The following CELSR3 variants were observed in gnomAD, a reference collection of about 807,000 sequenced individuals.
CELSR3 encodes the protein cadherin EGF LAG seven-pass G-type receptor 3, also known as EGF-like protein 1.
CELSR3 carries 73 observed loss-of-function variants against 270.0 expected under a neutral mutation model. The observed-to-expected ratio is 0.27, with a 90% confidence interval of 0.22 to 0.33. The LOEUF (loss-of-function observed/expected upper bound fraction) is 0.33. Ranked by LOEUF, CELSR3 falls within the 10% of genes least tolerant of loss-of-function variation. The pLI is 1.00. For missense variants in CELSR3, 3,614 were observed against 4,533.8 expected (o/e 0.80, Z 5.83); for synonymous variants, 1,780 against 1,905.4 (o/e 0.93, Z 1.71).
Position 48,637,887 on chromosome 3 carries a change from C to T in CELSR3, c.*318G>A, listed in dbSNP as rs542498811. 2.6e-6 allele frequency: 1 copy of T among 379,360 alleles called. No homozygotes were observed. Among genetic ancestry groups the T allele is most frequent in the Non-Finnish European group, 4.9e-6 (1 of 202,850 alleles). The allele number at this position is 379,360 out of a possible 1,614,324, so 23.5% of individuals were successfully genotyped here. Reference sequence around the variant, plus strand: ...AAATGGGGTCAAACTGCATCTCTCCCTCTATCTCCCTCCCCCTCCCAGCCC... The same window carrying T: ...AAATGGGGTCAAACTGCATCTCTCCTTCTATCTCCCTCCCCCTCCCAGCCC... On this transcript the variant is annotated 3_prime_UTR_variant, in exon 35 of 35. Coordinates refer to ENST00000164024, the MANE Select transcript of CELSR3 (RefSeq NM_001407.3).
chr3:48,643,288 T>G, intron 28 of CELSR3: 1 of 625,802 alleles, frequency 1.6e-6, no homozygotes, highest in Non-Finnish European at 2.8e-6. Flanking sequence ...AAGGTCGGTG[T>G]GGATCAGCAA....
In CELSR3 at chr3:48,639,622, G is replaced by A. The variant is rs528420923; in HGVS notation, c.9911+52C>T. The A allele has an allele frequency of 4.4e-6, 7 of 1,590,844 alleles. No homozygotes were observed. The highest frequency in any genetic ancestry group is 4.0e-5 in the African/African-American group (3 of 74,796). The stretch of plus-strand genomic sequence containing the variant: ...GCAGAACACAGGGCAGGGCACACAG[G>A]AGGTTGCCCTAAGCTGATGAGGGTG... On this transcript the variant is annotated intron_variant, in intron 34 of 34. Transcript: ENST00000164024. The surrounding 1 kb of genome is among the most constrained non-coding windows in gnomAD (Gnocchi z 4.1).
rs752851325 is a variant in CELSR3, at chr3:48,641,417, T to C, written c.8932A>G (p.Thr2978Ala). The C allele has an allele frequency of 3.7e-6, 6 of 1,612,440 alleles. No individual in the cohort carries two copies. In the South Asian group the frequency reaches 5.5e-5, roughly 15 times the overall value. ...TTGTTGTTAGCTGCATCCTTGCTGG[T>C]GTCCAGCCCCAGGCGCCTTTCAGAG... is the stretch of plus-strand genomic sequence containing the variant. ...WGSERRLGLD[T>A]SKDAANNNQP... Residue 2978 changes from threonine to alanine, a missense_variant, in exon 33 of 35, where the codon ACC (threonine) becomes GCC (alanine). By Grantham distance (58) the Thr-to-Ala change is moderately conservative. Around this residue, in one of 7 missense-constraint regions of CELSR3, gnomAD observed 1,240 missense variants for 1,351.7 expected, o/e 0.92. Coordinates refer to ENST00000164024, the MANE Select transcript of CELSR3 (RefSeq NM_001407.3). This position sits in a 1 kb window ranked among gnomAD's most constrained non-coding sequence, Gnocchi z 4.8.
chr3:48,645,320 C>T lies in CELSR3; in HGVS notation c.7798-111G>A. The T allele has an allele frequency of 6.5e-7, 1 of 1,545,120 alleles. No homozygotes were observed. The highest frequency in any genetic ancestry group is 8.8e-7 in the Non-Finnish European group (1 of 1,132,266). ...CCTAAACCACAATATCTTACCCCAG[C>T]ATCCTGCTGAAAACCCTGGCCCCAA... On this transcript the variant is annotated intron_variant, in intron 24 of 34. Transcript: ENST00000164024. This position sits in a 1 kb window ranked among gnomAD's most constrained non-coding sequence, Gnocchi z 5.4.
rs1322264947 is a variant in CELSR3 at position 48,638,104 on chromosome 3, G to T, written c.*101C>A. The T allele has an allele frequency of 8.9e-6, 9 of 1,015,552 alleles. No homozygotes were observed. The African/African-American group carries it at 1.1e-4, about 12-fold the overall frequency. 62.9% of individuals were successfully genotyped at this position (1,015,552 alleles called of 1,614,324 possible). A position where few individuals can be genotyped will look rare whatever the true frequency, so the allele number is the denominator to read the frequency against. ...GAGCTGGGGCACCCACCACTGGGGAGCAGGAGGCTGCCTTGGGATCTGCCC... is the reference window on the plus strand; with the variant it reads ...GAGCTGGGGCACCCACCACTGGGGATCAGGAGGCTGCCTTGGGATCTGCCC... On this transcript the variant is annotated 3_prime_UTR_variant, in exon 35 of 35. Transcript: ENST00000164024.
At position 48,642,918 on chromosome 3, in the gene CELSR3, C is replaced by G; in HGVS notation, c.8407-34G>C. Reference sequence around the variant, plus strand: ...GGTAGGGACAGAGTGTGAGCTAACCCTGAAGCAGCCTAAAACTCTGGCTTC... The same window carrying G: ...GGTAGGGACAGAGTGTGAGCTAACCGTGAAGCAGCCTAAAACTCTGGCTTC... On this transcript the variant is annotated intron_variant, in intron 29 of 34. Transcript: ENST00000164024. This position sits in a 1 kb window ranked among gnomAD's most constrained non-coding sequence, Gnocchi z 6.1. 6.2e-7 allele frequency: 1 copy of G among 1,611,340 alleles called. No individual in the cohort carries two copies. The highest frequency in any genetic ancestry group is 8.5e-7 in the Non-Finnish European group (1 of 1,178,754).
rs773631624 is a variant in CELSR3, at chr3:48,645,586, C to A, written c.7654G>T (p.Ala2552Ser). ...FTHVVVAVSVAALVLTAAILL... is the reference protein window; with the variant it reads ...FTHVVVAVSVSALVLTAAILL... ...ATGGCTGCAGTCAGCACCAGCGCAG[C>A]CACAGACACAGCCACGACCACGTGG... is the stretch of plus-strand genomic sequence containing the variant. Residue 2552 changes from alanine to serine, a missense_variant, in exon 24 of 35, where the codon GCT (alanine) becomes TCT (serine). By Grantham distance (99) the Ala-to-Ser change is moderately conservative (BLOSUM62 1). Transcript: ENST00000164024. The surrounding 1 kb of genome is among the most constrained non-coding windows in gnomAD (Gnocchi z 5.4). 12 of 1,612,436 alleles carry A rather than the reference C, an allele frequency of 7.4e-6. No homozygotes were observed. The highest frequency in any genetic ancestry group is 9.3e-6 in the Non-Finnish European group (11 of 1,179,910).
chr3:48,649,027 G>A, intron 17 of CELSR3, 94 bp downstream of exon 17: 8 of 1,543,424 alleles, frequency 5.2e-6, no homozygotes, highest in Non-Finnish European at 7.1e-6. Flanking sequence ...AACCAGGAAA[G>A]GCTCAGGAGT....
In CELSR3 at chr3:48,646,425, G is replaced by A. The variant is rs944588301; in HGVS notation, c.7296-168C>T. ...TCCAGCTTCTGCTGGGCTGCTGAGGGGCTGAGCAGCTCCAGGGGACCTGCA... is the reference window on the plus strand; with the variant it reads ...TCCAGCTTCTGCTGGGCTGCTGAGGAGCTGAGCAGCTCCAGGGGACCTGCA... On this transcript the variant is annotated intron_variant, in intron 21 of 34. Coordinates refer to ENST00000164024, the MANE Select transcript of CELSR3 (RefSeq NM_001407.3). This position sits in a 1 kb window ranked among gnomAD's most constrained non-coding sequence, Gnocchi z 4.8. Among the ~76,000 whole-genome samples, 1 of 152,200 alleles carries A rather than the reference G, an allele frequency of 6.6e-6. No homozygotes were observed. The highest frequency in any genetic ancestry group is 1.5e-5 in the Non-Finnish European group (1 of 68,024).
Position 48,646,202 on chromosome 3 carries a change from C to T in CELSR3, c.7351G>A (p.Gly2451Arg), listed in dbSNP as rs118038433. 6.0e-4 allele frequency: 963 copies of T among 1,612,760 alleles called. 14 individuals are homozygous for T. In the East Asian group the frequency reaches 0.016, roughly 27 times the overall value. Residue 2451 changes from glycine to arginine, a missense_variant, in exon 22 of 35, where the codon GGA becomes AGA. By Grantham distance (125) the Gly-to-Arg change is moderately radical. Coordinates refer to ENST00000164024, the MANE Select transcript of CELSR3 (RefSeq NM_001407.3). This position sits in a 1 kb window ranked among gnomAD's most constrained non-coding sequence, Gnocchi z 4.8. ...SPVVSVAVFH[G>R]RNFLRGILES... is the part of the protein sequence containing the mutation. ...AGGATTCCCCTTAGGAAGTTGCGTC[C>T]GTGGAACACAGCCACGCTGACCACC... is the stretch of plus-strand genomic sequence containing the variant.
rs529554640 is a variant in CELSR3, at chr3:48,656,641, T to C, written c.4399+57A>G. On this transcript the variant is annotated intron_variant, in intron 2 of 34. Transcript: ENST00000164024. ...CTCCCAGTACTCACTCGCATTGTGG[T>C]CCCGCCCCCAGCCTTGGCCCGTGCT... 293 of 1,440,260 alleles carry C rather than the reference T, an allele frequency of 2.0e-4. No homozygotes were observed. In the African/African-American group the frequency reaches 3.4e-3, roughly 17 times the overall value. The allele number at this position is 1,440,260 out of a possible 1,614,324, so 89.2% of individuals were successfully genotyped here. A position where few individuals can be genotyped will look rare whatever the true frequency, so the allele number is the denominator to read the frequency against.
In CELSR3 at chr3:48,650,433, A is replaced by AG; in HGVS notation, c.6472+46dup. The AG allele has an allele frequency of 1.1e-6, 1 of 927,816 alleles. No individual in the cohort carries two copies. The highest frequency in any genetic ancestry group is 1.7e-6 in the Non-Finnish European group (1 of 598,394). The allele number at this position is 927,816 out of a possible 1,614,324, so 57.5% of individuals were successfully genotyped here. ...GACATGGCTCTAGCAGTCAGAGTACAGGCCCACCCCCACCCTCAGTGATGT... is the reference window on the plus strand; with the variant it reads ...GACATGGCTCTAGCAGTCAGAGTACAGGGCCCACCCCCACCCTCAGTGATGT... On this transcript the variant is annotated intron_variant, in intron 16 of 34. Coordinates refer to ENST00000164024, the MANE Select transcript of CELSR3 (RefSeq NM_001407.3). This position sits in a 1 kb window ranked among gnomAD's most constrained non-coding sequence, Gnocchi z 5.1.
At position 48,644,158 on chromosome 3, in the gene CELSR3, C is replaced by A; in HGVS notation, c.8165+58G>T. On this transcript the variant is annotated intron_variant, in intron 27 of 34. Transcript: ENST00000164024. The surrounding 1 kb of genome is among the most constrained non-coding windows in gnomAD (Gnocchi z 4.8). ...AGGGAAGATCTGGGGGCCCCAGACC[C>A]CACCCAGGAGGGACCTGCCATCCTG... is the stretch of plus-strand genomic sequence containing the variant. 6.6e-7 allele frequency: 1 copy of A among 1,526,240 alleles called. No homozygotes were observed. Among genetic ancestry groups the A allele is most frequent in the South Asian group, 1.1e-5 (1 of 87,362 alleles). 94.5% of individuals were successfully genotyped at this position (1,526,240 alleles called of 1,614,324 possible).
chr3:48,662,124 G>A lies in CELSR3; in HGVS notation c.511C>T (p.Leu171Phe), dbSNP rs759319074. ...GVPGSGNSSPLPSDFLIRHHG... is the reference protein window; with the variant it reads ...GVPGSGNSSPFPSDFLIRHHG... ...TGCCGAATCAAAAAGTCTGAAGGGA[G>A]GGGCGAGCTGTTCCCCGAGCCCGGG... Residue 171 changes from leucine to phenylalanine, a missense_variant, in exon 1 of 35, where the codon CTC (leucine) becomes TTC (phenylalanine). Leu to Phe is a conservative substitution (Grantham distance 22, BLOSUM62 0). This residue lies in a region of CELSR3 where 470 missense variants were observed against 469.7 expected (regional missense o/e 1.00). Coordinates refer to ENST00000164024, the MANE Select transcript of CELSR3 (RefSeq NM_001407.3). This position sits in a 1 kb window ranked among gnomAD's most constrained non-coding sequence, Gnocchi z 7.1. 2.5e-6 allele frequency: 4 copies of A among 1,613,500 alleles called. No homozygotes were observed. Among genetic ancestry groups the A allele is most frequent in the Admixed American group, 1.7e-5 (1 of 59,960 alleles).
At position 48,659,723 on chromosome 3, in the gene CELSR3, G is replaced by A; in HGVS notation, c.2912C>T (p.Ser971Phe). 6.2e-7 allele frequency: 1 copy of A among 1,614,232 alleles called. No individual in the cohort carries two copies. Among genetic ancestry groups the A allele is most frequent in the South Asian group, 1.1e-5 (1 of 91,082 alleles). ...ACTGGTGAAAGGTGGGGCATCCTCA[G>A]AGACCAGCCCTGTATAGTGGGAGGC... Reference protein sequence around the residue: ...FVASHYTGLVSEDAPPFTSVL... With the variant: ...FVASHYTGLVFEDAPPFTSVL... The change falls in exon 1 of 35, where the codon TCT becomes TTT. Residue 971 changes from serine (S) to phenylalanine (F), a missense_variant. By Grantham distance (155) the Ser-to-Phe change is radical (BLOSUM62 -2). This residue lies in a region of CELSR3 where 1,331 missense variants were observed against 1,933.7 expected (regional missense o/e 0.69). Transcript: ENST00000164024. The surrounding 1 kb of genome is among the most constrained non-coding windows in gnomAD (Gnocchi z 8.1).
chr3:48,642,301 A>G lies in CELSR3; in HGVS notation c.8665+57T>C. 6.5e-7 allele frequency: 1 copy of G among 1,549,812 alleles called. No individual in the cohort carries two copies. The highest frequency in any genetic ancestry group is 8.8e-7 in the Non-Finnish European group (1 of 1,138,700). ...TGCTCCCAGTATGGGGTAGAAGAAA[A>G]GGGGATGGGGAGAGATCCTCTGCCT... On this transcript the variant is annotated intron_variant, in intron 31 of 34. Transcript: ENST00000164024. This position sits in a 1 kb window ranked among gnomAD's most constrained non-coding sequence, Gnocchi z 6.1.
In CELSR3 at chr3:48,644,872, C is replaced by T; in HGVS notation, c.7973-44G>A. ...AGGACTGAGGGTGTGTGTTCCAGAG[C>T]TGCTGACCAGCCCATGTATGGGAGA... On this transcript the variant is annotated intron_variant, in intron 25 of 34. Transcript: ENST00000164024. The surrounding 1 kb of genome is among the most constrained non-coding windows in gnomAD (Gnocchi z 4.8). The T allele has an allele frequency of 6.4e-7, 1 of 1,572,964 alleles. No individual in the cohort carries two copies. Among genetic ancestry groups the T allele is most frequent in the Non-Finnish European group, 8.7e-7 (1 of 1,147,252 alleles).
intron 16 of CELSR3, 66 bp from the exon 17 acceptor site, chr3:48,649,281 C>T: frequency 1.6e-6 from 2 of 1,263,648 alleles, no homozygotes; most frequent in South Asian, 2.5e-5. Context: ...ATAACCGCAG[C>T]ACCCTCTCCT....
rs770302307 is a variant in CELSR3 at position 48,653,803 on chromosome 3, G to A, written c.5279-15C>T. ...ATGGGCCATAGCTGAGTGGATAAGA[G>A]AAACAGGGTTACAGCCCCTGCCCCA... On this transcript the variant is annotated splice_polypyrimidine_tract_variant and intron_variant, in intron 8 of 34. Transcript: ENST00000164024. This position sits in a 1 kb window ranked among gnomAD's most constrained non-coding sequence, Gnocchi z 6.5. The A allele has an allele frequency of 3.1e-6, 5 of 1,613,446 alleles. No homozygotes were observed. In the African/African-American group the frequency reaches 5.3e-5, roughly 17 times the overall value.
Sources: allele counts gnomAD v4.1 joint callset (sites outside exome capture counted in the v4.1 genomes callset), GRCh38; gene constraint gnomAD v4.1.1; regional missense constraint gnomAD v4.1.1; non-coding constraint Gnocchi (gnomAD v3.1); transcripts MANE v1.5; gene names NCBI Gene and HGNC (gene_info 2026-07-23, HGNC 2026-07-21).